The following SLC6A9 variants were observed in gnomAD, a reference collection of about 807,000 sequenced individuals.
SLC6A9 encodes the protein sodium- and chloride-dependent glycine transporter 1.
In SLC6A9, 31 loss-of-function variants were observed where a neutral mutation model predicts 70.9. That is an observed-to-expected ratio of 0.44 (90% CI 0.33 to 0.59). SLC6A9 has a LOEUF of 0.59. SLC6A9 is among the 20% of genes least tolerant of loss of function. The pLI is 0.04. For synonymous variants in SLC6A9, 310 were observed against 341.3 expected, an observed-to-expected ratio of 0.91 and a Z score of 1.01; for missense variants, 631 against 845.2, an observed-to-expected ratio of 0.75 and a Z score of 3.14.
At chr1:44,026,374 G>A (rs138085204) in intron 1 of SLC6A9, among the ~76,000 whole-genome samples, 16 of 152,294 alleles carry the variant, frequency 1.1e-4, no homozygotes, top group African/African-American at 2.9e-4. Flanking sequence ...AAAGAGCCAT[G>A]TCAGCTGGAA....
At chr1:44,008,710 C>CTTTT in intron 4 of SLC6A9, 87 bp from the exon 5 acceptor site, 2 of 845,420 alleles carry the variant, frequency 2.4e-6, no homozygotes, top group Non-Finnish European at 3.4e-6. Context: ...CTTTTCTTTT[C>CTTTT]TTTTTTTTTT....
At position 44,010,847 on chromosome 1, in the gene SLC6A9, G is replaced by T; in HGVS notation, c.66C>A (p.Asp22Glu). The T allele has an allele frequency of 6.2e-7, 1 of 1,614,222 alleles. No homozygotes were observed. Among genetic ancestry groups the T allele is most frequent in the Non-Finnish European group, 8.5e-7 (1 of 1,180,022 alleles). Residue 22 changes from aspartate (D) to glutamate (E), a missense_variant, in exon 3 of 14, where the codon GAC (aspartate) becomes GAA (glutamate). Asp to Glu is a conservative substitution (Grantham distance 45). Transcript: ENST00000372310. Reference protein sequence around the residue: ...GAVPSEATKRDQNLKRGNWGN... With the variant: ...GAVPSEATKREQNLKRGNWGN... Reference sequence around the variant, plus strand: ...CCCAGTTGCCCCGTTTGAGGTTCTGGTCCCTCTTGGTGGCCTCGCTGGGCA... The same window carrying T: ...CCCAGTTGCCCCGTTTGAGGTTCTGTTCCCTCTTGGTGGCCTCGCTGGGCA...
intron 5 of SLC6A9, among the ~76,000 whole-genome samples, chr1:44,004,664 A>G (rs2428967): frequency 1.8e-3 from 276 of 152,342 alleles, no homozygotes; most frequent in African/African-American, 6.4e-3. Flanking sequence ...TTTTGACTGC[A>G]AGAATATAGC....
intron 2 of SLC6A9, among the ~76,000 whole-genome samples, chr1:44,014,338 A>G (rs2477614): frequency 0.87 from 131,590 of 151,940 alleles, 57,308 homozygotes; most frequent in African/African-American, 0.94. Context: ...TGGGCTCAGC[A>G]GGTGGTCTCC....
intron 2 of SLC6A9, chr1:44,011,561 C>G: frequency 2.5e-6 from 4 of 1,613,606 alleles, no homozygotes; most frequent in Non-Finnish European, 3.4e-6. Flanking sequence ...GGGAGCTGAC[C>G]TGGGCCATGG....
intron 2 of SLC6A9, 150 bp downstream of exon 2, chr1:44,024,098 G>A (rs2086937530): frequency 1.1e-5 from 9 of 784,518 alleles, no homozygotes; most frequent in Non-Finnish European, 9.0e-6. Flanking sequence ...CCTGCTAGAT[G>A]AGGGGCTACC....
intron 2 of SLC6A9, chr1:44,011,586 G>A (rs1184198580): frequency 6.2e-7 from 1 of 1,614,064 alleles, no homozygotes; most frequent in East Asian, 2.2e-5. Context: ...GGAGTGCTGG[G>A]CCATGAGTTG....
In SLC6A9 at chr1:44,009,914, G is replaced by A. The variant is rs1766967; in HGVS notation, c.319+51C>T. 0.087 allele frequency: 138,480 copies of A among 1,594,426 alleles called. 7,547 individuals carry two copies. The highest frequency in any genetic ancestry group is 0.21 in the African/African-American group (15,494 of 74,286). On this transcript the variant is annotated intron_variant, in intron 4 of 13. Transcript: ENST00000372310. ...TGGGCGAGTTGGCACGGCCCTCAGA[G>A]GCCGTTGTGTGTTTGTGTATGTGTG...
chr1:44,018,153 G>A lies in SLC6A9; in HGVS notation c.30+6095C>T, dbSNP rs553399495. On this transcript the variant is annotated intron_variant, in intron 2 of 13. Coordinates refer to ENST00000372310, the MANE Select transcript of SLC6A9 (RefSeq NM_001024845.3). This position sits in a 1 kb window ranked among gnomAD's most constrained non-coding sequence, Gnocchi z 4.2. ...AAACTGGTCAGTCAGCAGAAGGCCTGGCTTACCACAGGACCTCAGGAAATA... is the reference window on the plus strand; with the variant it reads ...AAACTGGTCAGTCAGCAGAAGGCCTAGCTTACCACAGGACCTCAGGAAATA... Among the ~76,000 whole-genome samples, 1 of 152,202 alleles carries A rather than the reference G, an allele frequency of 6.6e-6. No homozygotes were observed. Among genetic ancestry groups the A allele is most frequent in the African/African-American group, 2.4e-5 (1 of 41,448 alleles).
chr1:44,003,677 G>T (rs1254629635), intron 5 of SLC6A9, among the ~76,000 whole-genome samples: 2 of 150,564 alleles, frequency 1.3e-5, no homozygotes, highest in African/African-American at 4.9e-5. Flanking sequence ...GAACCCAGGA[G>T]GTGGAGGTTG....
rs374604844 is a variant in SLC6A9, at chr1:44,017,124, C to A, written c.31-6242G>T. ...CGAGCGATCGCAGCCCGCGTGTCTCCGCCGCTCATTCACACCTCTGCCAGC... is the reference window on the plus strand; with the variant it reads ...CGAGCGATCGCAGCCCGCGTGTCTCAGCCGCTCATTCACACCTCTGCCAGC... On this transcript the variant is annotated intron_variant, in intron 2 of 13. Coordinates refer to ENST00000372310, the MANE Select transcript of SLC6A9 (RefSeq NM_001024845.3). The A allele has an allele frequency of 5.6e-6, 9 of 1,607,100 alleles. No homozygotes were observed. The African/African-American group carries it at 1.2e-4, about 22-fold the overall frequency.
chr1:44,004,391 G>A (rs572259891), intron 5 of SLC6A9, among the ~76,000 whole-genome samples: 303 of 152,150 alleles, frequency 2.0e-3, no homozygotes, highest in Non-Finnish European at 3.3e-3. Flanking sequence ...TATAGCCCAG[G>A]CTGGAGTGCA....
At position 44,010,026 on chromosome 1, in the gene SLC6A9, G is replaced by A. The variant is rs2086489070; in HGVS notation, c.258C>T (p.Ser86=). Residue 86 remains serine, a synonymous_variant, in exon 4 of 14, where the codon TCC becomes TCT. Coordinates refer to ENST00000372310, the MANE Select transcript of SLC6A9 (RefSeq NM_001024845.3). ...CGIPLFFMEL[S]FGQFASQGCL... is the part of the protein sequence containing the mutation. ...ACCCCTGGCTTGCAAACTGGCCGAA[G>A]GAGAGCTCCATGAAGAAGAGGGGGA... The A allele has an allele frequency of 6.2e-7, 1 of 1,614,150 alleles. No homozygotes were observed. The highest frequency in any genetic ancestry group is 8.5e-7 in the Non-Finnish European group (1 of 1,179,996).
chr1:44,014,290 C>T (rs1474812002), intron 2 of SLC6A9, among the ~76,000 whole-genome samples: 1 of 152,124 alleles, frequency 6.6e-6, no homozygotes, highest in Non-Finnish European at 1.5e-5. Context: ...TCTGAGAGGC[C>T]ACTGCCAGGA....
chr1:44,027,264 G>C (rs1571922141), intron 1 of SLC6A9, among the ~76,000 whole-genome samples: 1 of 152,240 alleles, frequency 6.6e-6, no homozygotes, highest in East Asian at 1.9e-4. Context: ...TGGATTTCTG[G>C]CTCAGCTACT....
At chr1:44,005,346 G>A (rs542859002) in intron 5 of SLC6A9, among the ~76,000 whole-genome samples, 11 of 152,362 alleles carry the variant, frequency 7.2e-5, no homozygotes, top group South Asian at 2.1e-4. Context: ...TGAGAAGGGT[G>A]AGTGGGTGAG....
intron 2 of SLC6A9, chr1:44,011,673 C>T: frequency 1.2e-6 from 2 of 1,613,968 alleles, no homozygotes; most frequent in Non-Finnish European, 1.7e-6. Context: ...GGGAGTGGCT[C>T]CAGAAAAGGG....
chr1:44,026,269 G>C (rs1311706867), intron 1 of SLC6A9, among the ~76,000 whole-genome samples: 6 of 152,210 alleles, frequency 3.9e-5, no homozygotes, highest in African/African-American at 1.4e-4. Context: ...CCCTCTCCAG[G>C]TGTAAACTCT....
chr1:44,017,443 T>TC (rs1292340806), intron 2 of SLC6A9: 5 of 990,460 alleles, frequency 5.0e-6, no homozygotes, highest in Admixed American at 5.4e-5. Flanking sequence ...GGTGGCTCAC[T>TC]CCCCCCACGG....
Sources: allele counts gnomAD v4.1 joint callset (sites outside exome capture counted in the v4.1 genomes callset), GRCh38; gene constraint gnomAD v4.1.1; non-coding constraint Gnocchi (gnomAD v3.1); transcripts MANE v1.5; gene names NCBI Gene and HGNC (gene_info 2026-07-23, HGNC 2026-07-21).